The following DSC1 variants were observed in gnomAD, a reference collection of about 807,000 sequenced individuals.
DSC1 encodes the protein desmocollin 1.
Under a neutral mutation model 98.8 loss-of-function variants are expected in DSC1, and 79 were observed. The observed-to-expected ratio is 0.80, with a 90% CI of 0.67 to 0.96. DSC1 has a LOEUF of 0.96. DSC1 is among the 50% of genes least tolerant of loss of function. The pLI, the probability that DSC1 is intolerant of heterozygous loss-of-function variation, is 0.00. For missense variants in DSC1, 1,115 were observed against 1,075.9 expected (o/e 1.04, Z -0.51); for synonymous variants, 405 against 372.1 (o/e 1.09, Z -1.02).
At chr18:31,131,936 G>A in intron 14 of DSC1, 94 bp from the exon 15 acceptor site, 2 of 1,367,360 alleles carry the variant, frequency 1.5e-6, no homozygotes, top group South Asian at 1.4e-5. Flanking sequence ...TCACTTGCCT[G>A]CTGTGCCTCT....
At position 31,145,740 on chromosome 18, in the gene DSC1, G is replaced by A. The variant is rs758162064; in HGVS notation, c.810C>T (p.Asp270=). Residue 270 remains aspartate (D), a synonymous_variant, in exon 7 of 16, where the codon GAC becomes GAT. Transcript: ENST00000257198. ...SVGKVTATDL[D]EPDTLHTRLK... is the part of the protein sequence containing the mutation. ...GACGAGTATGGAGAGTGTCAGGTTC[G>A]TCAAGGTCTGTGGCGGTCACTTTTC... is the stretch of plus-strand genomic sequence containing the variant. 5.9e-5 allele frequency: 95 copies of A among 1,614,132 alleles called. No homozygotes were observed. Among genetic ancestry groups the A allele is most frequent in the South Asian group, 2.4e-4 (22 of 91,080 alleles).
In DSC1 at chr18:31,148,482, T is replaced by G. The variant is rs867173875; in HGVS notation, c.772+16A>C. On this transcript the variant is annotated intron_variant, in intron 6 of 15. Coordinates refer to ENST00000257198, the MANE Select transcript of DSC1 (RefSeq NM_024421.2). ...AAATAGTCTTCTTGTCATGCTACAA[T>G]AAAATGTGAACTTACCGGATCGGCA... The G allele has an allele frequency of 1.9e-6, 3 of 1,573,972 alleles. No homozygotes were observed. In the East Asian group the frequency reaches 6.8e-5, roughly 36 times the overall value.
At chr18:31,138,985 C>T (rs1598616509) in intron 11 of DSC1, among the ~76,000 whole-genome samples, 1 of 151,910 alleles carries the variant, frequency 6.6e-6, no homozygotes, top group East Asian at 1.9e-4. Flanking sequence ...ATATTTTTAT[C>T]ATCCTCTTTT....
chr18:31,156,249 T>G (rs888652188), intron 3 of DSC1, 87 bp from the exon 4 acceptor site: 11 of 1,508,304 alleles, frequency 7.3e-6, no homozygotes, highest in Non-Finnish European at 9.9e-6. Flanking sequence ...AACAAGCAGA[T>G]GTAAGGGTTA....
At chr18:31,157,657 G>T in intron 2 of DSC1, 84 bp from the exon 3 acceptor site, 2 of 1,435,000 alleles carry the variant, frequency 1.4e-6, no homozygotes, top group Non-Finnish European at 9.8e-7. Flanking sequence ...GTGAGTTAAT[G>T]CATGAGAAGC....
intron 11 of DSC1, among the ~76,000 whole-genome samples, chr18:31,137,917 A>G (rs1479669304): frequency 6.6e-6 from 1 of 151,982 alleles, no homozygotes; most frequent in Non-Finnish European, 1.5e-5. Flanking sequence ...TAAGACAGGT[A>G]GAATACCTAG....
At chr18:31,155,922 G>T in intron 4 of DSC1, 121 bp downstream of exon 4, 1 of 1,047,372 alleles carries the variant, frequency 9.5e-7, no homozygotes, top group Non-Finnish European at 1.4e-6. Context: ...CTGGTGAATA[G>T]ATGATCATTA....
rs750956702 is a variant in DSC1 at position 31,139,888 on chromosome 18, T to C, written c.1523A>G (p.Tyr508Cys). The C allele has an allele frequency of 9.4e-6, 15 of 1,595,006 alleles. No homozygotes were observed. The highest frequency in any genetic ancestry group is 1.3e-5 in the Non-Finnish European group (15 of 1,174,886). The stretch of plus-strand genomic sequence containing the variant: ...GTTATCTTCATCCCCTAACTTCTGA[T>C]ACCTAATTTTTAGAAATCAAATATG... ...PEISSGEGLR[Y>C]QKLGDEDNWF... is the part of the protein sequence containing the mutation. Residue 508 changes from tyrosine to cysteine, a missense_variant and splice_region_variant, in exon 11 of 16, where the codon TAT becomes TGT. By Grantham distance (194) the Tyr-to-Cys change is radical. Transcript: ENST00000257198.
chr18:31,157,305 C>G, intron 3 of DSC1, 66 bp downstream of exon 3: 1 of 1,502,150 alleles, frequency 6.7e-7, no homozygotes, highest in Non-Finnish European at 9.1e-7. Flanking sequence ...CGTTAAAACA[C>G]ATGAAACACG....
At chr18:31,154,974 A>T in intron 4 of DSC1, 45 bp from the exon 5 acceptor site, 1 of 1,597,884 alleles carries the variant, frequency 6.3e-7, no homozygotes, top group South Asian at 1.1e-5. Context: ...CATGATGAAT[A>T]TTTTCAACCT....
In DSC1 at chr18:31,157,318, G is replaced by C. The variant is rs1322475882; in HGVS notation, c.351+53C>G. 3.2e-6 allele frequency: 5 copies of C among 1,549,620 alleles called. No individual in the cohort carries two copies. The African/African-American group carries it at 6.9e-5, about 21-fold the overall frequency. ...CACGTTAAAACACATGAAACACGAA[G>C]GACTCCCGTAAGCATATTACTGTGC... On this transcript the variant is annotated intron_variant, in intron 3 of 15. Coordinates refer to ENST00000257198, the MANE Select transcript of DSC1 (RefSeq NM_024421.2).
Position 31,148,581 on chromosome 18 carries a change from A to G in DSC1, c.689T>C (p.Ile230Thr), listed in dbSNP as rs1988896597. The G allele has an allele frequency of 6.2e-7, 1 of 1,612,214 alleles. No individual in the cohort carries two copies. Among genetic ancestry groups the G allele is most frequent in the Non-Finnish European group, 8.5e-7 (1 of 1,178,614 alleles). Reference protein sequence around the residue: ...YAPEYPLPLIIKIEDDNDNAP... With the variant: ...YAPEYPLPLITKIEDDNDNAP... ...GTTATCATTATCATCTTCAATTTTG[A>G]TGATCAAAGGGAGTGGATATTCTGG... The change falls in exon 6 of 16, where the codon ATC (isoleucine) becomes ACC (threonine). Residue 230 changes from isoleucine (I) to threonine (T), a missense_variant. Physicochemically the swap from Ile to Thr is moderately conservative, Grantham distance 89 (BLOSUM62 -1). Transcript: ENST00000257198.
At chr18:31,161,040 C>T (rs927586437) in intron 1 of DSC1, among the ~76,000 whole-genome samples, 5 of 151,930 alleles carry the variant, frequency 3.3e-5, no homozygotes, top group African/African-American at 1.2e-4. Flanking sequence ...TGGTATACAC[C>T]ATGATTTATA....
chr18:31,159,566 A>G, intron 1 of DSC1, 37 bp from the exon 2 acceptor site: 1 of 1,542,386 alleles, frequency 6.5e-7, no homozygotes, highest in Non-Finnish European at 8.8e-7. Flanking sequence ...CAGGAATTAA[A>G]TTTGATCACA....
chr18:31,141,111 T>G (rs1367727877), intron 9 of DSC1, among the ~76,000 whole-genome samples: 2 of 152,194 alleles, frequency 1.3e-5, no homozygotes, highest in Admixed American at 1.3e-4. Flanking sequence ...AAACCTCTTT[T>G]TGTTCCCAGT....
chr18:31,134,013 C>T lies in DSC1; in HGVS notation c.1994G>A (p.Cys665Tyr). Residue 665 changes from cysteine (C) to tyrosine (Y), a missense_variant, in exon 13 of 16, where the codon TGT (cysteine) becomes TAT (tyrosine). Cys to Tyr is a radical substitution (Grantham distance 194, BLOSUM62 -2). Transcript: ENST00000257198. ...VATHMLTVRV[C>Y]DCSTPSECRM... is the part of the protein sequence containing the mutation. ...ACACTCAGATGGAGTTGAACAGTCA[C>T]ATACTCTCACTGTTAACATATGTGT... The T allele has an allele frequency of 3.7e-6, 6 of 1,613,292 alleles. No individual in the cohort carries two copies. The South Asian group carries it at 6.6e-5, about 18-fold the overall frequency.
rs142217046 is a variant in DSC1 at position 31,156,044 on chromosome 18, T to G, written c.470A>C (p.Gln157Pro). The change falls in exon 4 of 16, where the codon CAG becomes CCG. Residue 157 changes from glutamine (Q) to proline (P), a missense_variant and splice_region_variant. Gln to Pro is a moderately conservative substitution (Grantham distance 76). Coordinates refer to ENST00000257198, the MANE Select transcript of DSC1 (RefSeq NM_024421.2). ...SLGPFPQHVQ[Q>P]IQSDAAQNYT... is the part of the protein sequence containing the mutation. ...TAAAATCAAATAAGTGAAATGCACC[T>G]GCTGAACGTGTTGTGGAAATGGACC... 1.2e-6 allele frequency: 2 copies of G among 1,610,848 alleles called. No individual in the cohort carries two copies. The highest frequency in any genetic ancestry group is 8.5e-7 in the Non-Finnish European group (1 of 1,179,262).
rs778047871 is a variant in DSC1 at position 31,131,860 on chromosome 18, G to A, written c.2239-18C>T. On this transcript the variant is annotated intron_variant, in intron 14 of 15. Transcript: ENST00000257198. ...TTTGCTTCCTAAAAGTAAAGTGAGA[G>A]TGATAAAGTGAATTTGAAAAATGGA... is the stretch of plus-strand genomic sequence containing the variant. The A allele has an allele frequency of 4.4e-6, 7 of 1,608,958 alleles. No homozygotes were observed. The South Asian group carries it at 6.6e-5, about 15-fold the overall frequency.
In DSC1 at chr18:31,129,729, A is replaced by G. The variant is rs1746948599; in HGVS notation, c.*785T>C. The G allele has an allele frequency of 6.6e-6, 1 of 152,200 alleles. No individual in the cohort carries two copies. The highest frequency in any genetic ancestry group is 1.5e-5 in the Non-Finnish European group (1 of 68,036). The allele number at this position is 152,200 out of a possible 1,614,324, so 9.4% of individuals were successfully genotyped here. On this transcript the variant is annotated 3_prime_UTR_variant, in exon 16 of 16. Coordinates refer to ENST00000257198, the MANE Select transcript of DSC1 (RefSeq NM_024421.2). ...GTAAACCATGTTGAGCAAACGAAAC[A>G]TATTTGTGAGCATAAGTCAACCCAT...
Sources: gnomAD v4.1 joint callset for allele counts (sites outside exome capture counted in the v4.1 genomes callset) on GRCh38, gnomAD v4.1.1 for gene constraint, MANE v1.5 for transcripts, NCBI Gene and HGNC (gene_info 2026-07-23, HGNC 2026-07-21) for gene names.